Variants in PABPC4L observed in about 807,000 individuals in gnomAD.
The protein encoded by PABPC4L is polyadenylate-binding protein 4-like.
For missense variants in PABPC4L, 452 were observed against 451.4 expected, an observed-to-expected ratio of 1.00 and a Z score of -0.01; for synonymous variants, 169 against 164.1, an observed-to-expected ratio of 1.03 and a Z score of -0.23.
the PABPC4L span, among the ~76,000 whole-genome samples, chr4:134,115,118 T>G: frequency 2.6e-5 from 4 of 151,916 alleles, no homozygotes; most frequent in Non-Finnish European, 5.9e-5. Context: ...TCCTCTTTCC[T>G]TTCTTTCCCA....
chr4:133,970,534 T>C, the PABPC4L span, among the ~76,000 whole-genome samples: 3 of 152,226 alleles, frequency 2.0e-5, no homozygotes, highest in Non-Finnish European at 2.9e-5. Context: ...ATGTTCCTAG[T>C]TAAAAATGTT....
At chr4:134,171,379 A>T in the PABPC4L span, among the ~76,000 whole-genome samples, 2 of 152,064 alleles carry the variant, frequency 1.3e-5, no homozygotes. Flanking sequence ...CTCCCAAAGT[A>T]CTGGGATTAC....
the PABPC4L span, among the ~76,000 whole-genome samples, chr4:134,117,030 G>C: frequency 6.6e-6 from 1 of 150,756 alleles, no homozygotes; most frequent in Non-Finnish European, 1.5e-5. Context: ...CTATTTTTCT[G>C]TCTCTTTTTT....
the PABPC4L span, among the ~76,000 whole-genome samples, chr4:134,120,850 C>T: frequency 1.3e-5 from 2 of 151,014 alleles, no homozygotes; most frequent in Non-Finnish European, 3.0e-5. Flanking sequence ...TTTTTGGCAT[C>T]GGTAGCAGCT....
the PABPC4L span, among the ~76,000 whole-genome samples, chr4:134,086,049 TG>T: frequency 6.6e-6 from 1 of 152,262 alleles, no homozygotes; most frequent in Non-Finnish European, 1.5e-5. Flanking sequence ...TTCCTGAATC[TG>T]TACAAACTGT....
At chr4:134,135,340 T>C in the PABPC4L span, among the ~76,000 whole-genome samples, 2 of 152,106 alleles carry the variant, frequency 1.3e-5, no homozygotes, top group Non-Finnish European at 2.9e-5. Context: ...ACTCAAATTG[T>C]CCTTTGCTGG....
the PABPC4L span, among the ~76,000 whole-genome samples, chr4:133,972,047 A>G: frequency 6.6e-6 from 1 of 152,216 alleles, no homozygotes; most frequent in South Asian, 2.1e-4. Context: ...AAAATAAACC[A>G]TGCTTAACTT....
At chr4:134,137,906 A>C in the PABPC4L span, among the ~76,000 whole-genome samples, 27 of 151,800 alleles carry the variant, frequency 1.8e-4, no homozygotes, top group Non-Finnish European at 3.4e-4. Flanking sequence ...TTGTGTTATT[A>C]AGTACATTTC....
At chr4:134,036,189 C>A in the PABPC4L span, among the ~76,000 whole-genome samples, 1 of 152,074 alleles carries the variant, frequency 6.6e-6, no homozygotes. Flanking sequence ...TTCCAACAGT[C>A]AGTAAACAAG....
At chr4:134,014,430 C>T in the PABPC4L span, among the ~76,000 whole-genome samples, 1 of 152,160 alleles carries the variant, frequency 6.6e-6, no homozygotes, top group East Asian at 1.9e-4. Flanking sequence ...GAACTGCCTC[C>T]CCCAGGAACT....
rs1336170207 is a variant in PABPC4L, at chr4:134,200,120, A to G, written c.900T>C (p.Leu300=). 6.4e-7 allele frequency: 1 copy of G among 1,551,548 alleles called. No individual in the cohort carries two copies. Among genetic ancestry groups the G allele is most frequent in the Non-Finnish European group, 8.7e-7 (1 of 1,146,982 alleles). ...GTTTTTCATCATCGATGGTGTCATC[A>G]AGGTTCTTAATATAGAGTTTTACCC... ...CQGVKLYIKN[L]DDTIDDEKLR... is the part of the protein sequence containing the mutation. Residue 300 remains leucine (L), a synonymous_variant, in exon 2 of 2, where the codon CTT becomes CTC. Coordinates refer to ENST00000421491, the MANE Select transcript of PABPC4L (RefSeq NM_001114734.2).
At chr4:134,195,570 G>A (rs146222435), downstream of PABPC4L, among the ~76,000 whole-genome samples, 1,046 of 151,748 alleles carry the variant, frequency 6.9e-3, 14 homozygotes, top group African/African-American at 0.024. Context: ...AATATAAATG[G>A]GTTAACAAAA....
chr4:133,992,702 G>A, the PABPC4L span, among the ~76,000 whole-genome samples: 1 of 152,196 alleles, frequency 6.6e-6, no homozygotes, highest in Admixed American at 6.5e-5. Context: ...CAGACAAAAT[G>A]AGAGCATAAA....
the PABPC4L span, among the ~76,000 whole-genome samples, chr4:134,105,543 A>T: frequency 2.0e-5 from 3 of 151,810 alleles, no homozygotes; most frequent in East Asian, 1.9e-4. Context: ...CTTTTTATAA[A>T]TGGAAAAGCT....
At chr4:134,028,261 T>G in the PABPC4L span, among the ~76,000 whole-genome samples, 2 of 152,204 alleles carry the variant, frequency 1.3e-5, no homozygotes, top group South Asian at 4.1e-4. Flanking sequence ...TTTACACTTT[T>G]GGTTGATGGA....
In PABPC4L at chr4:134,197,297, T is replaced by A. The variant is rs1285021669; in HGVS notation, c.*2610A>T. ...AAGCACATTTTTAAAATATTTACTA[T>A]AGGTTTTATATAAGATACTTTTTAT... is the stretch of plus-strand genomic sequence containing the variant. On this transcript the variant is annotated 3_prime_UTR_variant, in exon 2 of 2. Coordinates refer to ENST00000421491, the MANE Select transcript of PABPC4L (RefSeq NM_001114734.2). The A allele has an allele frequency of 2.0e-5, 3 of 151,734 alleles. No homozygotes were observed. Among genetic ancestry groups the A allele is most frequent in the Non-Finnish European group, 4.4e-5 (3 of 67,636 alleles). 9.4% of individuals were successfully genotyped at this position (151,734 alleles called of 1,614,324 possible). A position where few individuals can be genotyped will look rare whatever the true frequency, so the allele number is the denominator to read the frequency against.
the PABPC4L span, among the ~76,000 whole-genome samples, chr4:134,164,166 G>C: frequency 6.8e-6 from 1 of 147,576 alleles, no homozygotes; most frequent in Non-Finnish European, 1.5e-5. Flanking sequence ...GGGAGGCTGA[G>C]GCAGGAGAAT....
chr4:134,135,638 C>G, the PABPC4L span, among the ~76,000 whole-genome samples: 1 of 151,974 alleles, frequency 6.6e-6, no homozygotes, highest in Admixed American at 6.6e-5. Context: ...TTGAGACCAG[C>G]CTGACCAACA....
the PABPC4L span, among the ~76,000 whole-genome samples, chr4:134,008,866 C>A: frequency 6.6e-6 from 1 of 151,526 alleles, no homozygotes; most frequent in Non-Finnish European, 1.5e-5. Context: ...TTGTAAATAA[C>A]CTATTGAGGT....
Sources: allele counts gnomAD v4.1 joint callset (sites outside exome capture counted in the v4.1 genomes callset), GRCh38; gene constraint gnomAD v4.1.1; transcripts MANE v1.5; gene names NCBI Gene and HGNC (gene_info 2026-07-23, HGNC 2026-07-21).